The following ANK1 variants were observed in gnomAD, a reference collection of about 807,000 sequenced individuals.
ANK1 encodes ankyrin 1, also known as ankyrin-1.
A neutral mutation model predicts 210.4 loss-of-function variants in ANK1; 51 were observed. The ratio of observed to expected loss-of-function variants is 0.24; its 90% confidence interval spans 0.19 to 0.31. The LOEUF is 0.31. ANK1 is among the 10% of genes least tolerant of loss of function. The pLI is 1.00. For missense variants in ANK1, 2,051 were observed against 2,504.4 expected (o/e 0.82, Z 3.86); for synonymous variants, 967 against 1,025.9 (o/e 0.94, Z 1.10).
At chr8:41,794,410 T>C (rs1291410100) in intron 1 of ANK1, among the ~76,000 whole-genome samples, 6 of 152,188 alleles carry the variant, frequency 3.9e-5, no homozygotes, top group African/African-American at 9.7e-5. Flanking sequence ...CTTTATCCAA[T>C]GGCACCTCAA....
intron 2 of ANK1, among the ~76,000 whole-genome samples, chr8:41,755,378 C>T (rs773217755): frequency 2.0e-5 from 3 of 152,228 alleles, no homozygotes; most frequent in Non-Finnish European, 2.9e-5. Context: ...GTCTAACACA[C>T]GTTCAGTTGT....
upstream of ANK1, among the ~76,000 whole-genome samples, chr8:41,801,752 C>G (rs1849898905): frequency 6.6e-6 from 1 of 152,174 alleles, no homozygotes; most frequent in Non-Finnish European, 1.5e-5. Context: ...TCTCTGCAGT[C>G]TGAATACGAA....
intron 2 of ANK1, among the ~76,000 whole-genome samples, chr8:41,748,957 C>A (rs1836929960): frequency 6.6e-6 from 1 of 151,944 alleles, no homozygotes; most frequent in South Asian, 2.1e-4. Flanking sequence ...ATGGCATGAA[C>A]CTGGGAGGCG....
chr8:41,731,898 C>T (rs1832274142), intron 3 of ANK1, among the ~76,000 whole-genome samples: 1 of 152,256 alleles, frequency 6.6e-6, no homozygotes, highest in Non-Finnish European at 1.5e-5. Flanking sequence ...ACACAGCTCA[C>T]AGCCAGGTAC....
chr8:41,764,221 G>A (rs1841226804), intron 1 of ANK1, among the ~76,000 whole-genome samples: 1 of 152,042 alleles, frequency 6.6e-6, no homozygotes, highest in African/African-American at 2.4e-5. Context: ...CCTCCTAGGG[G>A]CCAGGCAATA....
intron 20 of ANK1, among the ~76,000 whole-genome samples, chr8:41,703,422 G>GTGTATATATATA (rs1286560913): frequency 1.5e-3 from 78 of 53,724 alleles, no homozygotes; most frequent in Non-Finnish European, 2.1e-3. Context: ...GTGTGTGTGT[G>GTGTATATATATA]TATATATATA....
rs1032459507 is a variant in ANK1, at chr8:41,695,208, G to A, written c.3084C>T (p.Tyr1028=). ...CCATCCCGTTGAGGATCTGATCCAGGTAGCTCTCTCCATAGCGGCTCCTGT... is the reference window on the plus strand; with the variant it reads ...CCATCCCGTTGAGGATCTGATCCAGATAGCTCTCTCCATAGCGGCTCCTGT... The part of the protein sequence containing the change: ...KEHRSRYGES[Y]LDQILNGMDE... Residue 1028 remains tyrosine, a synonymous_variant, in exon 27 of 43, where the codon TAC becomes TAT. Transcript: ENST00000289734. The A allele has an allele frequency of 6.2e-7, 1 of 1,614,050 alleles. No homozygotes were observed. Among genetic ancestry groups the A allele is most frequent in the Admixed American group, 1.7e-5 (1 of 60,014 alleles).
At position 41,693,765 on chromosome 8, in the gene ANK1, GAGCACC is replaced by G. The variant is rs1346210239; in HGVS notation, c.3532+127_3532+132del. ...TACATCATCCTTCCATCTCTTGGAA[GAGCACC>G]TCACTCCCGGGGAAGTCAACAAAAA... On this transcript the variant is annotated intron_variant, in intron 29 of 42. Transcript: ENST00000289734. The G allele has an allele frequency of 8.0e-3, 8,026 of 1,006,702 alleles. 384 individuals are homozygous for G. The African/African-American group carries it at 0.11, about 14-fold the overall frequency. The allele number at this position is 1,006,702 out of a possible 1,614,324, so 62.4% of individuals were successfully genotyped here.
At chr8:41,790,186 G>A (rs967039785) in intron 1 of ANK1, among the ~76,000 whole-genome samples, 16 of 147,818 alleles carry the variant, frequency 1.1e-4, no homozygotes, top group African/African-American at 2.3e-4. Context: ...CACTCTTGTC[G>A]CCCAGGCTGG....
chr8:41,873,593 A>G (rs1815976834), intron 1 of ANK1, among the ~76,000 whole-genome samples: 1 of 152,232 alleles, frequency 6.6e-6, no homozygotes, highest in African/African-American at 2.4e-5. Flanking sequence ...CACTGGAATC[A>G]CGATGCCTCC....
chr8:41,839,994 C>G (rs1808555214), intron 1 of ANK1: 2 of 152,064 alleles, frequency 1.3e-5, no homozygotes, highest in South Asian at 4.2e-4. Flanking sequence ...TCTGTACAAG[C>G]TTTGCAATTT....
chr8:41,723,392 C>G (rs1829777728), intron 8 of ANK1, 143 bp downstream of exon 8: 1 of 1,169,298 alleles, frequency 8.6e-7, no homozygotes, highest in Non-Finnish European at 1.3e-6. Flanking sequence ...GCACGCGGCA[C>G]TGCCCAGAAT....
chr8:41,768,293 A>G (rs1369812874), intron 1 of ANK1, among the ~76,000 whole-genome samples: 23 of 152,220 alleles, frequency 1.5e-4, no homozygotes, highest in Admixed American at 1.4e-3. Flanking sequence ...TTCAGATCAT[A>G]GGTGTTTTGT....
At chr8:41,740,083 T>C (rs1834384769) in intron 2 of ANK1, among the ~76,000 whole-genome samples, 2 of 152,088 alleles carry the variant, frequency 1.3e-5, no homozygotes, top group Admixed American at 1.3e-4. Flanking sequence ...CTGTCTCACT[T>C]GCACTGGTCT....
intron 26 of ANK1, 134 bp from the exon 27 acceptor site, chr8:41,695,465 C>T: frequency 1.6e-6 from 2 of 1,282,746 alleles, no homozygotes; most frequent in South Asian, 2.5e-5. Context: ...CACCTGCAGG[C>T]AGGTCTCTAA....
chr8:41,692,306 C>G (rs1819496435), intron 31 of ANK1, among the ~76,000 whole-genome samples: 1 of 152,258 alleles, frequency 6.6e-6, no homozygotes, highest in South Asian at 2.1e-4. Flanking sequence ...ATCTGCCCGC[C>G]TTGGCCTTTC....
intron 2 of ANK1, among the ~76,000 whole-genome samples, chr8:41,738,862 G>A (rs754066465): frequency 3.3e-5 from 5 of 152,218 alleles, no homozygotes; most frequent in Non-Finnish European, 7.3e-5. Context: ...AAAGGGGATT[G>A]GAGGTGTGGA....
intron 1 of ANK1, among the ~76,000 whole-genome samples, chr8:41,785,280 A>C (rs1188397234): frequency 6.6e-6 from 1 of 152,238 alleles, no homozygotes; most frequent in African/African-American, 2.4e-5. Flanking sequence ...GGATGGCTTC[A>C]GCCCAGGAGT....
chr8:41,694,172 C>G lies in ANK1; in HGVS notation c.3328-70G>C. ...GGGCTAATCAGACGGGAGGCAGCTC[C>G]ATGCCTGGTGAGAGTGGCCGTCAGT... is the stretch of plus-strand genomic sequence containing the variant. On this transcript the variant is annotated intron_variant, in intron 28 of 42. Transcript: ENST00000289734. This position sits in a 1 kb window ranked among gnomAD's most constrained non-coding sequence, Gnocchi z 5.7. 1 of 1,509,262 alleles carries G rather than the reference C, an allele frequency of 6.6e-7. No homozygotes were observed. Among genetic ancestry groups the G allele is most frequent in the Non-Finnish European group, 9.1e-7 (1 of 1,103,044 alleles). 93.5% of individuals were successfully genotyped at this position (1,509,262 alleles called of 1,614,324 possible). A position where few individuals can be genotyped will look rare whatever the true frequency, so the allele number is the denominator to read the frequency against.
Sources: allele counts gnomAD v4.1 joint callset (sites outside exome capture counted in the v4.1 genomes callset), GRCh38; gene constraint gnomAD v4.1.1; non-coding constraint Gnocchi (gnomAD v3.1); transcripts MANE v1.5; gene names NCBI Gene and HGNC (gene_info 2026-07-23, HGNC 2026-07-21).